Variants in TTLL11 observed in about 807,000 individuals in gnomAD.
TTLL11 encodes tubulin polyglutamylase TTLL11.
A neutral mutation model predicts 51.7 loss-of-function variants in TTLL11; 42 were observed. That is an observed-to-expected ratio of 0.81 (90% CI 0.64 to 1.05). The LOEUF (loss-of-function observed/expected upper bound fraction) is 1.05, where lower values mean the gene tolerates loss of function less well. Among genes scored for constraint, TTLL11 ranks in the 50% least tolerant of loss-of-function variants. TTLL11 has a pLI of 0.00. For missense variants in TTLL11, 799 were observed against 940.4 expected, an observed-to-expected ratio of 0.85 and a Z score of 1.97; for synonymous variants, 381 against 383.5, an observed-to-expected ratio of 0.99 and a Z score of 0.08.
intron 1 of TTLL11, among the ~76,000 whole-genome samples, chr9:122,041,701 A>T (rs1441980846): frequency 6.6e-6 from 1 of 152,136 alleles, no homozygotes; most frequent in African/African-American, 2.4e-5. Context: ...AATACTTAGG[A>T]ATTAACCAAA....
chr9:121,825,061 A>C (rs1836707645), intron 8 of TTLL11, among the ~76,000 whole-genome samples: 1 of 152,210 alleles, frequency 6.6e-6, no homozygotes, highest in Non-Finnish European at 1.5e-5. Flanking sequence ...TGGGTTTTAC[A>C]CCAGGGTTAC....
chr9:122,067,483 G>A (rs1845616143), intron 1 of TTLL11, among the ~76,000 whole-genome samples: 1 of 152,136 alleles, frequency 6.6e-6, no homozygotes, highest in Non-Finnish European at 1.5e-5. Flanking sequence ...AAGGCACCAT[G>A]AGAAGAGGAT....
intron 4 of TTLL11, among the ~76,000 whole-genome samples, chr9:121,985,739 C>G (rs1297922363): frequency 6.6e-6 from 1 of 152,000 alleles, no homozygotes; most frequent in Admixed American, 6.5e-5. Flanking sequence ...CCAGGATGGA[C>G]TCGATCTCCT....
chr9:121,882,266 C>T (rs148787245), intron 6 of TTLL11, among the ~76,000 whole-genome samples: 33 of 152,244 alleles, frequency 2.2e-4, no homozygotes, highest in Non-Finnish European at 4.1e-4. Flanking sequence ...TGCTGGTCCA[C>T]CCCTAGAAGA....
At chr9:121,854,441 T>A (rs1417858747) in intron 8 of TTLL11, among the ~76,000 whole-genome samples, 1 of 152,222 alleles carries the variant, frequency 6.6e-6, no homozygotes, top group African/African-American at 2.4e-5. Flanking sequence ...TCCTTTGCTC[T>A]CATGTTCCCT....
intron 3 of TTLL11, among the ~76,000 whole-genome samples, chr9:122,024,785 A>C (rs1844279300): frequency 1.3e-5 from 2 of 152,210 alleles, no homozygotes; most frequent in Admixed American, 1.3e-4. Flanking sequence ...ACTCAAAATG[A>C]ATCACAGACC....
chr9:121,971,557 G>A (rs62574007), intron 6 of TTLL11, among the ~76,000 whole-genome samples: 9 of 138,110 alleles, frequency 6.5e-5, no homozygotes, highest in African/African-American at 1.6e-4. Flanking sequence ...CCACCACCCC[G>A]TCTGGGAGGT....
chr9:122,005,249 T>A (rs898775739), intron 3 of TTLL11, among the ~76,000 whole-genome samples: 23 of 152,110 alleles, frequency 1.5e-4, no homozygotes, highest in African/African-American at 5.6e-4. Context: ...GCCTGGATGG[T>A]CTCTCAGGTC....
intron 6 of TTLL11, among the ~76,000 whole-genome samples, chr9:121,946,021 G>A (rs147447110): frequency 6.6e-6 from 1 of 152,336 alleles, no homozygotes; most frequent in Non-Finnish European, 1.5e-5. Flanking sequence ...GGGCATGAAT[G>A]CATCCGATGT....
chr9:121,879,426 C>T (rs1300865090), intron 6 of TTLL11, among the ~76,000 whole-genome samples: 3 of 152,226 alleles, frequency 2.0e-5, no homozygotes, highest in Admixed American at 6.5e-5. Context: ...ACTGTACCTG[C>T]TCTGACACCC....
intron 1 of TTLL11, among the ~76,000 whole-genome samples, chr9:122,048,185 A>C (rs1845069173): frequency 6.6e-6 from 1 of 151,722 alleles, no homozygotes; most frequent in African/African-American, 2.4e-5. Context: ...TTATTTTTTC[A>C]GAGATGGGGT....
chr9:121,947,815 G>A (rs146662617), intron 6 of TTLL11, among the ~76,000 whole-genome samples: 7 of 152,216 alleles, frequency 4.6e-5, no homozygotes, highest in Non-Finnish European at 7.4e-5. Context: ...CAGTACCCCC[G>A]CGGAGCTCAG....
intron 1 of TTLL11, among the ~76,000 whole-genome samples, chr9:122,086,919 C>T (rs1006926707): frequency 2.0e-5 from 3 of 152,212 alleles, no homozygotes; most frequent in African/African-American, 7.2e-5. Flanking sequence ...ACCTCAGTTT[C>T]TTCTGCTGTT....
chr9:121,848,962 C>T (rs1180157776), intron 8 of TTLL11, among the ~76,000 whole-genome samples: 1 of 152,158 alleles, frequency 6.6e-6, no homozygotes, highest in Non-Finnish European at 1.5e-5. Flanking sequence ...AGAAAAAGAA[C>T]CAAGTCAGTG....
At chr9:121,982,325 G>A in intron 4 of TTLL11, among the ~76,000 whole-genome samples, 1 of 152,204 alleles carries the variant, frequency 6.6e-6, no homozygotes, top group South Asian at 2.1e-4. Flanking sequence ...TGGTAGTCTA[G>A]TTGTTTGCAG....
At chr9:121,982,669 G>A (rs1479416248) in intron 4 of TTLL11, among the ~76,000 whole-genome samples, 1 of 144,382 alleles carries the variant, frequency 6.9e-6, no homozygotes, top group Non-Finnish European at 1.5e-5. Flanking sequence ...TGCAGTGAGT[G>A]AGTGCCATTG....
At chr9:121,891,418 C>A (rs1308104343) in intron 6 of TTLL11, among the ~76,000 whole-genome samples, 1 of 152,220 alleles carries the variant, frequency 6.6e-6, no homozygotes, top group Non-Finnish European at 1.5e-5. Context: ...TCAGTGCTAG[C>A]CTTTGATGCA....
Position 121,820,951 on chromosome 9 carries a change from CT to C in TTLL11, c.*1635del, listed in dbSNP as rs3839901. On this transcript the variant is annotated 3_prime_UTR_variant, in exon 9 of 9. Coordinates refer to ENST00000321582, the MANE Select transcript of TTLL11 (RefSeq NM_001139442.2). ...CTCTGCTAGCAGCAGGGAAGGGGTG[CT>C]GCGCGGCAGCCACACCGTGGGGGAA... is the stretch of plus-strand genomic sequence containing the variant. Among the ~76,000 whole-genome samples, 86,878 of 151,170 alleles carry C rather than the reference CT, an allele frequency of 0.57. 25,036 individuals are homozygous for C. Among genetic ancestry groups the C allele is most frequent in the East Asian group, 0.75 (3,823 of 5,080 alleles).
intron 1 of TTLL11, among the ~76,000 whole-genome samples, chr9:122,052,105 G>A (rs939857225): frequency 6.6e-6 from 1 of 152,100 alleles, no homozygotes. Flanking sequence ...TGAAGGGTGT[G>A]ACCAGATGGA....
Sources: allele counts gnomAD v4.1 joint callset (sites outside exome capture counted in the v4.1 genomes callset), GRCh38; gene constraint gnomAD v4.1.1; transcripts MANE v1.5; gene names NCBI Gene and HGNC (gene_info 2026-07-23, HGNC 2026-07-21).